AK8: variants seen among roughly 807,000 people sequenced by gnomAD.
AK8 encodes ATP-AMP transphosphorylase 8.
In AK8, 44 loss-of-function variants were observed where a neutral mutation model predicts 54.6. The observed-to-expected ratio is 0.81, with a 90% CI of 0.63 to 1.04. AK8 has a LOEUF of 1.04. AK8 is among the 50% of genes least tolerant of loss of function. The pLI is 0.00. For missense variants in AK8, 555 were observed against 613.6 expected (o/e 0.90, Z 1.01); for synonymous variants, 239 against 245.6 (o/e 0.97, Z 0.25).
intron 10 of AK8, among the ~76,000 whole-genome samples, chr9:132,796,770 TACACACACACACACACACACACACAC>T (rs10590924): frequency 2.8e-5 from 4 of 142,308 alleles, no homozygotes; most frequent in African/African-American, 8.0e-5. Flanking sequence ...ACATACATGC[TACACACACACACACACACACACACAC>T]ACACACACAC....
intron 11 of AK8, among the ~76,000 whole-genome samples, chr9:132,765,870 A>G (rs1838706038): frequency 1.3e-5 from 2 of 152,372 alleles, no homozygotes; most frequent in South Asian, 4.1e-4. Context: ...AATAAAGGTC[A>G]TCCAAATTGG....
Position 132,794,260 on chromosome 9 carries a change from C to G in AK8, c.980-1485G>C, listed in dbSNP as rs371633311. 5.3e-5 allele frequency among the ~76,000 whole-genome samples: 8 copies of G among 152,322 alleles called. No individual in the cohort carries two copies. The East Asian group carries it at 5.8e-4, about 11-fold the overall frequency. On this transcript the variant is annotated intron_variant, in intron 10 of 12. Coordinates refer to ENST00000298545, the MANE Select transcript of AK8 (RefSeq NM_152572.3). ...CACTTCAGCGAATCCCATCCCTTCC[C>G]CTGCTTCAAACCTGCAGGGGCTCCC...
chr9:132,819,944 AG>A (rs1040076989), intron 9 of AK8, among the ~76,000 whole-genome samples: 27 of 152,096 alleles, frequency 1.8e-4, no homozygotes, highest in African/African-American at 6.5e-4. Context: ...GGATTGCTTC[AG>A]GCCAAGAATT....
At position 132,770,167 on chromosome 9, in the gene AK8, G is replaced by C. The variant is rs1168143090; in HGVS notation, c.1121+22467C>G. On this transcript the variant is annotated intron_variant, in intron 11 of 12. Transcript: ENST00000298545. The surrounding 1 kb of genome is among the most constrained non-coding windows in gnomAD (Gnocchi z 4.3). ...GCTAGGGAGGGAAACGGAACCAGGG[G>C]AAGGCCTGGGGGGGTCACACTCGTG... The C allele has an allele frequency of 6.6e-6, 1 of 152,276 alleles. No individual in the cohort carries two copies. Among genetic ancestry groups the C allele is most frequent in the East Asian group, 1.9e-4 (1 of 5,172 alleles). 9.4% of individuals were successfully genotyped at this position (152,276 alleles called of 1,614,324 possible).
At chr9:132,809,392 T>C (rs1228404992) in intron 10 of AK8, among the ~76,000 whole-genome samples, 2 of 152,162 alleles carry the variant, frequency 1.3e-5, no homozygotes, top group Non-Finnish European at 1.5e-5. Flanking sequence ...CTTCACCCTG[T>C]GGCCTCCCTC....
In AK8 at chr9:132,814,690, A is replaced by G. The variant is rs1841237742; in HGVS notation, c.927T>C (p.Asp309=). 5 of 1,614,134 alleles carry G rather than the reference A, an allele frequency of 3.1e-6. No individual in the cohort carries two copies. The highest frequency in any genetic ancestry group is 3.4e-6 in the Non-Finnish European group (4 of 1,180,036). The change falls in exon 10 of 13, where the codon GAT becomes GAC. Residue 309 remains aspartate (D), a synonymous_variant. Transcript: ENST00000298545. ...GGATGAGCTCGCCAAACGTGGTCCT[A>G]TCTGCCACAGCCTCTTTCAGCAGTT... ...CGQLLKEAVA[D]RTTFGELIQP...
intron 10 of AK8, among the ~76,000 whole-genome samples, chr9:132,796,184 AC>A (rs35927288): frequency 1.3e-5 from 2 of 151,686 alleles, no homozygotes; most frequent in Non-Finnish European, 2.9e-5. Flanking sequence ...GGCCCATAAC[AC>A]CCCCAACTGT....
At chr9:132,840,287 C>T (rs1337935089) in intron 5 of AK8, among the ~76,000 whole-genome samples, 1 of 152,284 alleles carries the variant, frequency 6.6e-6, no homozygotes, top group Non-Finnish European at 1.5e-5. Flanking sequence ...CCAGCTCCAT[C>T]TCCAAAGGAG....
At chr9:132,798,468 C>T (rs1427653262) in intron 10 of AK8, among the ~76,000 whole-genome samples, 1 of 152,200 alleles carries the variant, frequency 6.6e-6, no homozygotes, top group African/African-American at 2.4e-5. Flanking sequence ...ACCCTTTCTC[C>T]TCCTCTCAGA....
chr9:132,736,227 C>G (rs917078071), intron 11 of AK8, among the ~76,000 whole-genome samples: 2 of 151,138 alleles, frequency 1.3e-5, no homozygotes, highest in African/African-American at 4.9e-5. Context: ...GCTCTTGTCC[C>G]CTAGTCTGGA....
chr9:132,794,592 G>A (rs767883763), intron 10 of AK8, among the ~76,000 whole-genome samples: 2 of 152,056 alleles, frequency 1.3e-5, no homozygotes, highest in Non-Finnish European at 2.9e-5. Flanking sequence ...TAATGTCTGC[G>A]TCTCTTTCAT....
intron 11 of AK8, among the ~76,000 whole-genome samples, chr9:132,775,527 C>A (rs560241628): frequency 6.6e-6 from 1 of 152,178 alleles, no homozygotes; most frequent in East Asian, 1.9e-4. Flanking sequence ...GGTCTCGAAC[C>A]ACTGACCTCA....
chr9:132,734,203 T>C (rs557789244), intron 11 of AK8, among the ~76,000 whole-genome samples: 1 of 152,208 alleles, frequency 6.6e-6, no homozygotes, highest in Non-Finnish European at 1.5e-5. Flanking sequence ...CAGGCACCCC[T>C]TCCCCCAAGA....
Position 132,728,128 on chromosome 9 carries a change from C to T in AK8, c.1122-594G>A, listed in dbSNP as rs541041221. 4.6e-5 allele frequency among the ~76,000 whole-genome samples: 7 copies of T among 152,368 alleles called. No individual in the cohort carries two copies. The South Asian group carries it at 1.4e-3, about 32-fold the overall frequency. ...GGAGCAAACCCAGGCTGACTCTCGT[C>T]ACCCCAGACGAGGGTGGGCATCATT... On this transcript the variant is annotated intron_variant, in intron 11 of 12. Transcript: ENST00000298545.
At chr9:132,868,691 C>T (rs1379698064) in intron 2 of AK8, among the ~76,000 whole-genome samples, 1 of 152,226 alleles carries the variant, frequency 6.6e-6, no homozygotes, top group African/African-American at 2.4e-5. Flanking sequence ...TCTTATCCTC[C>T]TGGATCACCC....
Position 132,860,460 on chromosome 9 carries a change from C to T in AK8, c.333+3205G>A, listed in dbSNP as rs779085398. ...GTCAGCCAGCATCGTTCACATCTGG[C>T]GGACTCGAACGCAGGTAGAGGACAG... On this transcript the variant is annotated intron_variant, in intron 4 of 12. Transcript: ENST00000298545. This position sits in a 1 kb window ranked among gnomAD's most constrained non-coding sequence, Gnocchi z 4.4. Among the ~76,000 whole-genome samples the T allele has an allele frequency of 1.3e-5, 2 of 152,166 alleles. No homozygotes were observed. The highest frequency in any genetic ancestry group is 2.9e-5 in the Non-Finnish European group (2 of 68,028).
At chr9:132,797,727 A>G in intron 10 of AK8, among the ~76,000 whole-genome samples, 1 of 152,182 alleles carries the variant, frequency 6.6e-6, no homozygotes, top group Non-Finnish European at 1.5e-5. Context: ...TTTTAAAGGA[A>G]ACCATTTAAT....
At chr9:132,760,581 AC>A (rs1288730360) in intron 11 of AK8, among the ~76,000 whole-genome samples, 2 of 152,024 alleles carry the variant, frequency 1.3e-5, no homozygotes, top group Non-Finnish European at 2.9e-5. Flanking sequence ...GGTTTTATTT[AC>A]TTTTCTTGTC....
At chr9:132,773,958 T>C (rs1839093165) in intron 11 of AK8, among the ~76,000 whole-genome samples, 1 of 152,038 alleles carries the variant, frequency 6.6e-6, no homozygotes, top group Non-Finnish European at 1.5e-5. Context: ...AGTGGGTAGG[T>C]GTGCTAAGGT....
Sources: gnomAD v4.1 joint callset for allele counts (sites outside exome capture counted in the v4.1 genomes callset) on GRCh38, gnomAD v4.1.1 for gene constraint, Gnocchi (gnomAD v3.1) non-coding constraint, MANE v1.5 for transcripts, NCBI Gene and HGNC (gene_info 2026-07-23, HGNC 2026-07-21) for gene names.